Variants in GAP43 observed in about 807,000 individuals in gnomAD.
GAP43 encodes growth associated protein 43.
Under a neutral mutation model 18.6 loss-of-function variants are expected in GAP43, and 6 were observed. The observed-to-expected ratio is 0.32, with a 90% CI of 0.18 to 0.64. GAP43 has a LOEUF of 0.64. Among genes scored for constraint, GAP43 ranks in the 30% least tolerant of loss-of-function variants. The pLI, the probability that GAP43 is intolerant of heterozygous loss-of-function variation, is 0.78. For synonymous variants in GAP43, 115 were observed against 111.4 expected (o/e 1.03, Z -0.20); for missense variants, 292 against 295.5 (o/e 0.99, Z 0.09).
intron 2 of GAP43, among the ~76,000 whole-genome samples, chr3:115,712,480 C>T (rs771396461): frequency 2.6e-5 from 4 of 152,136 alleles, no homozygotes; most frequent in Admixed American, 1.3e-4. Context: ...TTTCTCAAAT[C>T]CTTCATTTCC....
chr3:115,720,797 C>T lies in GAP43; in HGVS notation c.632C>T (p.Ala211Val). 6.2e-7 allele frequency: 1 copy of T among 1,611,142 alleles called. No homozygotes were observed. Among genetic ancestry groups the T allele is most frequent in the Non-Finnish European group, 8.5e-7 (1 of 1,177,816 alleles). ...ESSQAEENIEAVDETKPKESA... is the reference protein window; with the variant it reads ...ESSQAEENIEVVDETKPKESA... ...CCTATCTTGTTTTCTTTCTCAGAAG[C>T]TGTAGATGAAACCAAACCTAAGGAA... Residue 211 changes from alanine to valine, a missense_variant, in exon 3 of 3, where the codon GCT (alanine) becomes GTT (valine). Transcript: ENST00000305124.
At chr3:115,647,380 AAAAC>A (rs902747349) in intron 1 of GAP43, among the ~76,000 whole-genome samples, 46 of 152,194 alleles carry the variant, frequency 3.0e-4, no homozygotes, top group African/African-American at 8.9e-4. Flanking sequence ...AGTGGGAACT[AAAAC>A]AGAGAAGAAA....
At chr3:115,711,898 A>C (rs1447001622) in intron 2 of GAP43, among the ~76,000 whole-genome samples, 3 of 152,250 alleles carry the variant, frequency 2.0e-5, no homozygotes, top group African/African-American at 7.2e-5. Context: ...TAATGGTAAG[A>C]AATAAAGTTA....
At position 115,644,690 on chromosome 3, in the gene GAP43, T is replaced by C. The variant is rs1437080083; in HGVS notation, c.30+20971T>C. ...TTTCTCAGCATCAGTGATTTATAAATAGAGAAATTTTTAAAAATGAATCTC... is the reference window on the plus strand; with the variant it reads ...TTTCTCAGCATCAGTGATTTATAAACAGAGAAATTTTTAAAAATGAATCTC... On this transcript the variant is annotated intron_variant, in intron 1 of 2. Transcript: ENST00000305124. This position sits in a 1 kb window ranked among gnomAD's most constrained non-coding sequence, Gnocchi z 4.2. 6.6e-6 allele frequency among the ~76,000 whole-genome samples: 1 copy of C among 152,058 alleles called. No individual in the cohort carries two copies. Among genetic ancestry groups the C allele is most frequent in the East Asian group, 1.9e-4 (1 of 5,184 alleles).
chr3:115,648,469 G>T (rs1708484764), intron 1 of GAP43, among the ~76,000 whole-genome samples: 1 of 152,146 alleles, frequency 6.6e-6, no homozygotes, highest in South Asian at 2.1e-4. Flanking sequence ...AAATAAATAT[G>T]ATTATAAGAT....
intron 2 of GAP43, among the ~76,000 whole-genome samples, chr3:115,686,371 A>G (rs180672929): frequency 2.3e-4 from 35 of 152,322 alleles, no homozygotes; most frequent in East Asian, 1.9e-3. Context: ...AGCATTGTAC[A>G]CTTGCTAAAG....
intron 2 of GAP43, among the ~76,000 whole-genome samples, chr3:115,706,727 C>CA (rs938231468): frequency 6.6e-6 from 1 of 151,990 alleles, no homozygotes; most frequent in African/African-American, 2.4e-5. Context: ...AAGCCGTTTT[C>CA]AAAAAACTAT....
intron 2 of GAP43, among the ~76,000 whole-genome samples, chr3:115,720,300 T>C (rs1417964226): frequency 3.3e-5 from 5 of 152,180 alleles, no homozygotes; most frequent in Non-Finnish European, 1.5e-5. Flanking sequence ...TCAATTTCTA[T>C]ATAATTGACT....
At chr3:115,718,843 G>C (rs1709542493) in intron 2 of GAP43, among the ~76,000 whole-genome samples, 1 of 152,126 alleles carries the variant, frequency 6.6e-6, no homozygotes, top group Admixed American at 6.5e-5. Flanking sequence ...TTTTTGATAG[G>C]TATTTCAGAG....
intron 1 of GAP43, among the ~76,000 whole-genome samples, chr3:115,658,111 G>T (rs1708610208): frequency 6.6e-6 from 1 of 152,102 alleles, no homozygotes; most frequent in African/African-American, 2.4e-5. Flanking sequence ...CTACTTCAGG[G>T]ATACTCTGAA....
chr3:115,703,678 G>A (rs1383892954), intron 2 of GAP43, among the ~76,000 whole-genome samples: 1 of 152,008 alleles, frequency 6.6e-6, no homozygotes. Flanking sequence ...TTGGAAAATG[G>A]CTTTATTGGA....
chr3:115,638,274 A>C (rs1708354689), intron 1 of GAP43, among the ~76,000 whole-genome samples: 1 of 152,096 alleles, frequency 6.6e-6, no homozygotes, highest in African/African-American at 2.4e-5. Context: ...ACAAGGCCTA[A>C]GAAATCCTAC....
intron 2 of GAP43, among the ~76,000 whole-genome samples, chr3:115,695,865 C>T (rs1228491409): frequency 6.6e-6 from 1 of 152,186 alleles, no homozygotes; most frequent in Admixed American, 6.6e-5. Flanking sequence ...GAGTTGATCA[C>T]TTTCTACTCT....
chr3:115,717,160 G>A (rs766163473), intron 2 of GAP43, among the ~76,000 whole-genome samples: 13 of 152,074 alleles, frequency 8.5e-5, no homozygotes, highest in Non-Finnish European at 1.6e-4. Flanking sequence ...ATTTACTGAG[G>A]TTCTTTCCTG....
chr3:115,713,113 A>G (rs2107376965), intron 2 of GAP43, among the ~76,000 whole-genome samples: 1 of 152,338 alleles, frequency 6.6e-6, no homozygotes, highest in South Asian at 2.1e-4. Flanking sequence ...GTATATAGCT[A>G]AAGAAAAAGA....
chr3:115,715,477 A>G (rs77794462), intron 2 of GAP43, among the ~76,000 whole-genome samples: 1,831 of 152,272 alleles, frequency 0.012, 28 homozygotes, highest in African/African-American at 0.041. Flanking sequence ...CTTCCTAAGT[A>G]ATAACTGTCT....
chr3:115,708,063 C>T (rs1451694521), intron 2 of GAP43, among the ~76,000 whole-genome samples: 1 of 152,052 alleles, frequency 6.6e-6, no homozygotes, highest in Non-Finnish European at 1.5e-5. Flanking sequence ...TAGAAACATA[C>T]TTTCCAGGCA....
chr3:115,658,664 C>T (rs1445509349), intron 1 of GAP43: 1 of 152,236 alleles, frequency 6.6e-6, no homozygotes, highest in African/African-American at 2.4e-5. Flanking sequence ...TTGGGGTCCG[C>T]GGGGCTCCTC....
At chr3:115,710,661 C>T (rs1484173565) in intron 2 of GAP43, among the ~76,000 whole-genome samples, 1 of 152,108 alleles carries the variant, frequency 6.6e-6, no homozygotes, top group Non-Finnish European at 1.5e-5. Context: ...GCTCTTCAAT[C>T]TCTTGCTTGT....
Sources: gnomAD v4.1 joint callset for allele counts (sites outside exome capture counted in the v4.1 genomes callset) on GRCh38, gnomAD v4.1.1 for gene constraint, Gnocchi (gnomAD v3.1) non-coding constraint, MANE v1.5 for transcripts, NCBI Gene and HGNC (gene_info 2026-07-23, HGNC 2026-07-21) for gene names.